Variants in RAB9B observed in about 807,000 individuals in gnomAD.
RAB9B encodes RAB9B, member RAS oncogene family.
Under a neutral mutation model 8.9 loss-of-function variants are expected in RAB9B, and 1 was observed. That is an observed-to-expected ratio of 0.11 (90% CI 0.04 to 0.53). The LOEUF (loss-of-function observed/expected upper bound fraction) is 0.53, where lower values mean the gene tolerates loss of function less well. RAB9B is among the 20% of genes least tolerant of loss of function. The pLI, the probability that RAB9B is intolerant of heterozygous loss-of-function variation, is 0.93. For synonymous variants in RAB9B, 63 were observed against 57.0 expected (o/e 1.10, Z -0.47); for missense variants, 82 against 152.9 (o/e 0.54, Z 2.45).
the RAB9B span, among the ~76,000 whole-genome samples, chrX:103,804,150 A>G: frequency 8.9e-6 from 1 of 111,829 alleles, no homozygotes; most frequent in Non-Finnish European, 1.9e-5. Flanking sequence ...TACATCTATA[A>G]TTCATTTTGA....
the RAB9B span, among the ~76,000 whole-genome samples, chrX:103,785,351 A>T: frequency 8.9e-6 from 1 of 112,762 alleles, no homozygotes; most frequent in Admixed American, 9.3e-5. Context: ...TGCTGGGATT[A>T]CAGGCATGAG....
chrX:103,817,611 C>G (rs1048012437), downstream of RAB9B, among the ~76,000 whole-genome samples: 22 of 109,686 alleles, frequency 2.0e-4, no homozygotes, highest in Non-Finnish European at 4.0e-4. Flanking sequence ...TCTATATATA[C>G]TATATATATG....
At chrX:103,807,544 G>A in the RAB9B span, among the ~76,000 whole-genome samples, 1 of 111,996 alleles carries the variant, frequency 8.9e-6, no homozygotes, top group Non-Finnish European at 1.9e-5. Context: ...ACTGTCAAGG[G>A]ACTCTTCTCT....
the RAB9B span, among the ~76,000 whole-genome samples, chrX:103,816,812 C>G: frequency 1.8e-5 from 2 of 112,242 alleles, no homozygotes; most frequent in Non-Finnish European, 3.8e-5. Context: ...ATTTATTCAG[C>G]CAACATACAT....
the RAB9B span, among the ~76,000 whole-genome samples, chrX:103,777,573 T>TGTGTGTGTATGTGCATATGTGC: frequency 9.0e-6 from 1 of 111,685 alleles, no homozygotes; most frequent in African/African-American, 3.3e-5. Context: ...GGTAGGAGTG[T>TGTGTGTGTATGTGCATATGTGC]GTGTGTGTAT....
At chrX:103,791,904 A>G in the RAB9B span, 29 of 112,489 alleles carry the variant, frequency 2.6e-4, no homozygotes, top group African/African-American at 9.0e-4. Context: ...TTTCTAGCTA[A>G]TGGAAAATGA....
chrX:103,797,650 G>A, the RAB9B span, among the ~76,000 whole-genome samples: 1 of 111,611 alleles, frequency 9.0e-6, no homozygotes, highest in East Asian at 2.8e-4. Context: ...GGTGAGCTCT[G>A]GAAGTCCCAA....
downstream of RAB9B, among the ~76,000 whole-genome samples, chrX:103,817,476 G>T (rs2074643814): frequency 9.1e-6 from 1 of 110,388 alleles, no homozygotes. Context: ...ACTACCTAAT[G>T]TAGGTGATGG....
the RAB9B span, among the ~76,000 whole-genome samples, chrX:103,782,716 T>A: frequency 2.5e-4 from 28 of 111,985 alleles, no homozygotes; most frequent in East Asian, 7.6e-3. Context: ...CCCAAGATGG[T>A]CACTTGCTAG....
downstream of RAB9B, among the ~76,000 whole-genome samples, chrX:103,821,970 C>G (rs1046386737): frequency 9.0e-5 from 10 of 111,391 alleles, no homozygotes; most frequent in Non-Finnish European, 1.5e-4. Flanking sequence ...AGTCCCAATA[C>G]ACGTCATGCA....
chrX:103,777,143 A>G, the RAB9B span: 4 of 547,415 alleles, frequency 7.3e-6, no homozygotes, highest in African/African-American at 9.2e-5. Context: ...CTTAACATTC[A>G]GTTAGATTAA....
the RAB9B span, chrX:103,787,750 T>A: frequency 9.2e-7 from 1 of 1,091,218 alleles, no homozygotes; most frequent in Non-Finnish European, 1.3e-6. Flanking sequence ...TGTTTCTACA[T>A]CTGCAGGCTG....
At chrX:103,778,294 C>G in the RAB9B span, among the ~76,000 whole-genome samples, 8 of 112,143 alleles carry the variant, frequency 7.1e-5, no homozygotes, top group African/African-American at 2.6e-4. Flanking sequence ...CATGATAATA[C>G]CTACTATTAG....
At chrX:103,827,420 G>A (rs1470308670) in intron 1 of RAB9B, among the ~76,000 whole-genome samples, 1 of 111,421 alleles carries the variant, frequency 9.0e-6, no homozygotes, top group South Asian at 3.8e-4. Flanking sequence ...GGAAAGTACA[G>A]AGCAATCTAA....
intron 1 of RAB9B, among the ~76,000 whole-genome samples, chrX:103,829,205 T>C (rs1214228872): frequency 8.9e-6 from 1 of 111,804 alleles, no homozygotes; most frequent in African/African-American, 3.3e-5. Context: ...TCCTTTTCTC[T>C]TTCTTCCATA....
the RAB9B span, chrX:103,788,058 A>G: frequency 1.0e-5 from 7 of 697,507 alleles, no homozygotes; most frequent in Middle Eastern, 1.5e-3. Flanking sequence ...GGTGGTGATT[A>G]TGAGAAAAAT....
At chrX:103,798,539 T>G in the RAB9B span, among the ~76,000 whole-genome samples, 1 of 112,168 alleles carries the variant, frequency 8.9e-6, no homozygotes, top group Non-Finnish European at 1.9e-5. Context: ...ATAAATTACG[T>G]TAAATTTTCA....
the RAB9B span, chrX:103,787,419 A>G: frequency 8.2e-6 from 2 of 245,220 alleles, no homozygotes; most frequent in Non-Finnish European, 7.3e-6. Context: ...TGGCTAGGGA[A>G]CAAAAATGTT....
chrX:103,830,618 T>C (rs986956971), intron 1 of RAB9B, among the ~76,000 whole-genome samples: 3 of 111,265 alleles, frequency 2.7e-5, no homozygotes, highest in Non-Finnish European at 5.7e-5. Context: ...CTTTTTTTTT[T>C]CCCATCAGGG....
Sources: gnomAD v4.1 joint callset for allele counts (sites outside exome capture counted in the v4.1 genomes callset) on GRCh38, gnomAD v4.1.1 for gene constraint, MANE v1.5 for transcripts, NCBI Gene and HGNC (gene_info 2026-07-23, HGNC 2026-07-21) for gene names.